The following ROS1 variants were observed in gnomAD, a reference collection of about 807,000 sequenced individuals.
ROS1 encodes the protein ROS proto-oncogene 1, receptor tyrosine kinase.
In ROS1, 263 loss-of-function variants were observed where a neutral mutation model predicts 273.5. That is an observed-to-expected ratio of 0.96 (90% CI 0.87 to 1.06). The LOEUF is 1.06. Among genes scored for constraint, ROS1 ranks in the 50% least tolerant of loss-of-function variants. ROS1 has a pLI of 0.00. For synonymous variants in ROS1, 1,008 were observed against 954.1 expected (o/e 1.06, Z -1.04); for missense variants, 2,833 against 2,751.1 (o/e 1.03, Z -0.67).
chr6:117,355,837 C>G (rs2128642276), intron 26 of ROS1, among the ~76,000 whole-genome samples: 1 of 152,168 alleles, frequency 6.6e-6, no homozygotes, highest in East Asian at 1.9e-4. Flanking sequence ...TCTTGAACTC[C>G]TGACCTCAAG....
chr6:117,408,424 C>A (rs1199010834), intron 5 of ROS1, among the ~76,000 whole-genome samples: 6 of 152,110 alleles, frequency 3.9e-5, no homozygotes, highest in Non-Finnish European at 7.4e-5. Context: ...GGCACTTCTC[C>A]AAAGAAGACA....
At chr6:117,413,485 C>T (rs1775091600) in intron 4 of ROS1, among the ~76,000 whole-genome samples, 1 of 151,932 alleles carries the variant, frequency 6.6e-6, no homozygotes, top group Admixed American at 6.6e-5. Context: ...AAATACAGGA[C>T]AGGTAAGTTC....
rs1321959715 is a variant in ROS1, at chr6:117,310,136, A to C, written c.6361T>G (p.Trp2121Gly). ...KRGEGLLPVR[W>G]MAPESLMDGI... is the part of the protein sequence containing the mutation. Reference sequence around the variant, plus strand: ...TCCATCAAACTTTCTGGAGCCATCCACCGAACTGGGAGCAGGCCTTCCCCT... The same window carrying C: ...TCCATCAAACTTTCTGGAGCCATCCCCCGAACTGGGAGCAGGCCTTCCCCT... Residue 2121 changes from tryptophan to glycine, a missense_variant, in exon 41 of 44, where the codon TGG (tryptophan) becomes GGG (glycine). Transcript: ENST00000368507. The C allele has an allele frequency of 1.2e-6, 2 of 1,613,438 alleles. No homozygotes were observed. Among genetic ancestry groups the C allele is most frequent in the Non-Finnish European group, 1.7e-6 (2 of 1,179,668 alleles).
chr6:117,292,258 C>G (rs1004030017), intron 43 of ROS1, among the ~76,000 whole-genome samples: 2 of 152,172 alleles, frequency 1.3e-5, no homozygotes, highest in African/African-American at 4.8e-5. Context: ...GTATGAGCCA[C>G]AGCGCCTGGC....
intron 26 of ROS1, 83 bp downstream of exon 26, chr6:117,356,546 C>T (rs763642370): frequency 9.3e-5 from 112 of 1,208,338 alleles, no homozygotes; most frequent in Non-Finnish European, 1.2e-4. Context: ...TTTGAGTATA[C>T]GCGGAATGCA....
At chr6:117,302,838 T>A (rs983662047) in intron 42 of ROS1, among the ~76,000 whole-genome samples, 1 of 152,198 alleles carries the variant, frequency 6.6e-6, no homozygotes, top group East Asian at 1.9e-4. Flanking sequence ...TCTCCCAAAC[T>A]AGGGGTGACT....
At chr6:117,332,472 A>G (rs1410496770) in intron 32 of ROS1, among the ~76,000 whole-genome samples, 1 of 152,232 alleles carries the variant, frequency 6.6e-6, no homozygotes, top group Non-Finnish European at 1.5e-5. Flanking sequence ...CAGGACTTGA[A>G]CTTAGCTCTG....
intron 7 of ROS1, among the ~76,000 whole-genome samples, chr6:117,399,274 C>T (rs1008702056): frequency 3.3e-5 from 5 of 152,138 alleles, no homozygotes; most frequent in African/African-American, 1.2e-4. Flanking sequence ...TCTGTAGCAC[C>T]GGAAAATGTC....
chr6:117,406,702 G>A (rs71570849), intron 5 of ROS1, among the ~76,000 whole-genome samples: 9,034 of 152,150 alleles, frequency 0.059, 322 homozygotes, highest in Middle Eastern at 0.092. Context: ...CTAACAGTTC[G>A]ACTTTTTAAG....
rs760304126 is a variant in ROS1 at position 117,364,980 on chromosome 6, A to T, written c.3103+80T>A. ...ATCTATAAAACTGAAAGTTATTTTT[A>T]AATATCAACTATCCATTCCAGATCA... On this transcript the variant is annotated intron_variant, in intron 21 of 43. Coordinates refer to ENST00000368507, the MANE Select transcript of ROS1 (RefSeq NM_001378902.1). The T allele has an allele frequency of 3.7e-4, 511 of 1,373,348 alleles. 2 individuals carry two copies. Among genetic ancestry groups the T allele is most frequent in the Admixed American group, 7.7e-4 (36 of 46,882 alleles). 85.1% of individuals were successfully genotyped at this position (1,373,348 alleles called of 1,614,324 possible).
In ROS1 at chr6:117,365,143, G is replaced by A. The variant is rs751947980; in HGVS notation, c.3020C>T (p.Ala1007Val). 15 of 1,613,118 alleles carry A rather than the reference G, an allele frequency of 9.3e-6. No individual in the cohort carries two copies. The Admixed American group carries it at 2.5e-4, about 27-fold the overall frequency. Reference sequence around the variant, plus strand: ...AGGAGTGACAGAAAGATTAAATAAGGCATAAGGTTCCAGTCCTTCCACAGT... The same window carrying A: ...AGGAGTGACAGAAAGATTAAATAAGACATAAGGTTCCAGTCCTTCCACAGT... ...VFTVEGLEPY[A>V]LFNLSVTPYT... Residue 1007 changes from alanine (A) to valine (V), a missense_variant, in exon 21 of 44, where the codon GCC (alanine) becomes GTC (valine). Coordinates refer to ENST00000368507, the MANE Select transcript of ROS1 (RefSeq NM_001378902.1).
At chr6:117,366,027 T>A (rs780175214) in intron 19 of ROS1, 49 bp downstream of exon 19, 1 of 1,407,168 alleles carries the variant, frequency 7.1e-7, no homozygotes, top group Non-Finnish European at 1.0e-6. Flanking sequence ...AAACATTTAT[T>A]TAACTGAAGG....
In ROS1 at chr6:117,342,422, A is replaced by G; in HGVS notation, c.4629T>C (p.Ile1543=). 1 of 1,612,104 alleles carries G rather than the reference A, an allele frequency of 6.2e-7. No homozygotes were observed. The highest frequency in any genetic ancestry group is 8.5e-7 in the Non-Finnish European group (1 of 1,179,154). The change falls in exon 29 of 44, where the codon ATT becomes ATC. Residue 1543 remains isoleucine, a synonymous_variant. Coordinates refer to ENST00000368507, the MANE Select transcript of ROS1 (RefSeq NM_001378902.1). The part of the protein sequence containing the change: ...PLEHLPPGKE[I]WGKTKNGVPE... ...TACCTCCATTTTTAGTTTTTCCCCA[A>G]ATCTCTTTTCCTGGTGGTAAATGTT...
chr6:117,377,806 C>A (rs1781458869), intron 18 of ROS1, among the ~76,000 whole-genome samples: 1 of 151,144 alleles, frequency 6.6e-6, no homozygotes, highest in Non-Finnish European at 1.5e-5. Context: ...CATATTTTGA[C>A]AAAGTGCTTA....
Position 117,287,757 on chromosome 6 carries a change from TA to T in ROS1, c.*734del, listed in dbSNP as rs1214608965. On this transcript the variant is annotated 3_prime_UTR_variant, in exon 44 of 44. Transcript: ENST00000368507. Reference sequence around the variant, plus strand: ...CAATATGGTGAAACCTCATCTCTACTAAAAATACAAAAATTAGCCGGGCGTG... The same window carrying T: ...CAATATGGTGAAACCTCATCTCTACTAAAATACAAAAATTAGCCGGGCGTG... Among the ~76,000 whole-genome samples the T allele has an allele frequency of 4.6e-5, 7 of 151,810 alleles. No homozygotes were observed. Among genetic ancestry groups the T allele is most frequent in the African/African-American group, 1.7e-4 (7 of 41,344 alleles).
intron 26 of ROS1, among the ~76,000 whole-genome samples, chr6:117,353,763 A>G (rs1387390989): frequency 6.6e-6 from 1 of 152,238 alleles, no homozygotes; most frequent in Non-Finnish European, 1.5e-5. Context: ...TCTGTAAATG[A>G]ACGAATGAAA....
chr6:117,365,622 C>T lies in ROS1; in HGVS notation c.2917G>A (p.Gly973Ser), dbSNP rs978782444. Residue 973 changes from glycine to serine, a missense_variant, in exon 20 of 44, where the codon GGT (glycine) becomes AGT (serine). Gly to Ser is a moderately conservative substitution (Grantham distance 56). Transcript: ENST00000368507. Reference sequence around the variant, plus strand: ...AATTCTACACTGTAGAAAACTACACCCCAGTCTACCGCAGGGGGACCATTC... The same window carrying T: ...AATTCTACACTGTAGAAAACTACACTCCAGTCTACCGCAGGGGGACCATTC... Reference protein sequence around the residue: ...LWNGPPAVDWGVVFYSVEFSA... With the variant: ...LWNGPPAVDWSVVFYSVEFSA... The T allele has an allele frequency of 6.2e-7, 1 of 1,613,388 alleles. No individual in the cohort carries two copies. The highest frequency in any genetic ancestry group is 8.5e-7 in the Non-Finnish European group (1 of 1,179,478).
chr6:117,311,085 A>G lies in ROS1; in HGVS notation c.6150T>C (p.Leu2050=). The change falls in exon 40 of 44, where the codon CTT becomes CTC. Residue 2050 remains leucine, a synonymous_variant. Coordinates refer to ENST00000368507, the MANE Select transcript of ROS1 (RefSeq NM_001378902.1). ...FYGPLLTLVD[L]VDLCVDISKG... ...TTGAAATATCTACACACAGGTCTAC[A>G]AGGTCAACCAAGGTGAGTAAAGGAC... The G allele has an allele frequency of 1.2e-6, 2 of 1,610,768 alleles. No homozygotes were observed. Among genetic ancestry groups the G allele is most frequent in the Non-Finnish European group, 1.7e-6 (2 of 1,178,252 alleles).
In ROS1 at chr6:117,385,840, C is replaced by T. The variant is rs1044819500; in HGVS notation, c.2132G>A (p.Ser711Asn). The T allele has an allele frequency of 6.2e-7, 1 of 1,614,122 alleles. No individual in the cohort carries two copies. The highest frequency in any genetic ancestry group is 8.5e-7 in the Non-Finnish European group (1 of 1,180,000). ...GCCTTTCGTGTCACTGTAGTAGAGG[C>T]TGTTGTTATACCAATCCATGTCTCA... ...NVSDMDWYNN[S>N]LYYSDTKGDV... is the part of the protein sequence containing the mutation. Residue 711 changes from serine to asparagine, a missense_variant, in exon 16 of 44, where the codon AGC (serine) becomes AAC (asparagine). Ser to Asn is a conservative substitution (Grantham distance 46, BLOSUM62 1). Coordinates refer to ENST00000368507, the MANE Select transcript of ROS1 (RefSeq NM_001378902.1).
Sources: gnomAD v4.1 joint callset for allele counts (sites outside exome capture counted in the v4.1 genomes callset) on GRCh38, gnomAD v4.1.1 for gene constraint, MANE v1.5 for transcripts, NCBI Gene and HGNC (gene_info 2026-07-23, HGNC 2026-07-21) for gene names.